Variants in MLLT6 observed in about 807,000 individuals in gnomAD.
MLLT6 encodes protein AF-17.
MLLT6 carries 22 observed loss-of-function variants against 103.0 expected under a neutral mutation model. The ratio of observed to expected loss-of-function variants is 0.21; its 90% CI spans 0.15 to 0.31. The LOEUF (loss-of-function observed/expected upper bound fraction) is 0.31, where lower values mean the gene tolerates loss of function less well. Among genes scored for constraint, MLLT6 ranks in the 10% least tolerant of loss-of-function variants. The pLI, the probability that MLLT6 is intolerant of heterozygous loss-of-function variation, is 1.00. For missense variants in MLLT6, 1,199 were observed against 1,441.7 expected, an observed-to-expected ratio of 0.83 and a Z score of 2.73; for synonymous variants, 606 against 623.5, an observed-to-expected ratio of 0.97 and a Z score of 0.42.
intron 14 of MLLT6, 134 bp from the exon 15 acceptor site, chr17:38,720,238 A>G: frequency 1.1e-6 from 1 of 877,538 alleles, no homozygotes; most frequent in Non-Finnish European, 1.7e-6. Context: ...CTCAGAGCTC[A>G]CCTGTGTCCC....
intron 8 of MLLT6, chr17:38,713,496 A>G (rs1328797863): frequency 5.8e-6 from 1 of 171,088 alleles, no homozygotes; most frequent in Non-Finnish European, 1.2e-5. Context: ...TGTCACCATT[A>G]TTGCCCATTC....
chr17:38,720,830 G>A, intron 16 of MLLT6, 83 bp downstream of exon 16: 1 of 1,251,680 alleles, frequency 8.0e-7, no homozygotes. Context: ...AGCTATTGGA[G>A]GCTGGGCAAT....
chr17:38,713,401 C>T (rs1905212303), intron 8 of MLLT6: 1 of 292,200 alleles, frequency 3.4e-6, no homozygotes. Context: ...CAAGCTGGAA[C>T]AGCCCTCCCT....
At chr17:38,719,196 T>G in intron 12 of MLLT6, 1 of 400,566 alleles carries the variant, frequency 2.5e-6, no homozygotes. Context: ...AGGTTTAAGT[T>G]CAATCCAGGT....
chr17:38,705,710 T>C lies in MLLT6; in HGVS notation c.78T>C (p.Asp26=). 6.4e-7 allele frequency: 1 copy of C among 1,551,832 alleles called. No homozygotes were observed. Among genetic ancestry groups the C allele is most frequent in the Non-Finnish European group, 8.7e-7 (1 of 1,146,558 alleles). ...CCGAGAACCCGCTGGTCTACTGCGA[T>C]GGGCACGCGTGCAGCGTGGCCGTCC... ...GWAENPLVYC[D]GHACSVAVHQ... is the part of the protein sequence containing the mutation. The change falls in exon 1 of 20, where the codon GAT becomes GAC. Residue 26 remains aspartate, a synonymous_variant. Coordinates refer to ENST00000621332, the MANE Select transcript of MLLT6 (RefSeq NM_005937.4).
At chr17:38,719,444 A>G in intron 12 of MLLT6, 73 bp from the exon 13 acceptor site, 1 of 1,293,482 alleles carries the variant, frequency 7.7e-7, no homozygotes, top group Admixed American at 2.0e-5. Context: ...CCAATCCCAT[A>G]TCCATCTGGG....
chr17:38,719,255 T>C (rs1905536041), intron 12 of MLLT6: 2 of 519,798 alleles, frequency 3.8e-6, no homozygotes, highest in South Asian at 2.6e-5. Context: ...AGGAAAGGAA[T>C]TGGGCGGTGG....
At chr17:38,715,473 T>A in intron 8 of MLLT6, 139 bp from the exon 9 acceptor site, 3 of 1,398,460 alleles carry the variant, frequency 2.1e-6, no homozygotes, top group South Asian at 3.3e-5. Context: ...GGCCACTCCC[T>A]GCCCGGAAGT....
At position 38,724,991 on chromosome 17, in the gene MLLT6, C is replaced by T. The variant is rs535280154; in HGVS notation, c.3240+15C>T. 273 of 1,476,262 alleles carry T rather than the reference C, an allele frequency of 1.8e-4. No homozygotes were observed. The highest frequency in any genetic ancestry group is 8.8e-5 in the Admixed American group (4 of 45,560). The allele number at this position is 1,476,262 out of a possible 1,614,324, so 91.4% of individuals were successfully genotyped here. On this transcript the variant is annotated intron_variant, in intron 19 of 19. Coordinates refer to ENST00000621332, the MANE Select transcript of MLLT6 (RefSeq NM_005937.4). This position sits in a 1 kb window ranked among gnomAD's most constrained non-coding sequence, Gnocchi z 5.4. ...CCAAAGGAGGGGTGAGTAAGGGGCC[C>T]GGGGCCTTCCTGCCTCCCCTCTGAG...
intron 6 of MLLT6, among the ~76,000 whole-genome samples, chr17:38,710,440 A>G (rs1196378618): frequency 6.6e-6 from 1 of 152,056 alleles, no homozygotes; most frequent in African/African-American, 2.4e-5. Context: ...ACATGATCAG[A>G]TTTGTTTTTT....
chr17:38,720,897 A>G, intron 16 of MLLT6, 150 bp downstream of exon 16: 1 of 706,556 alleles, frequency 1.4e-6, no homozygotes, highest in Non-Finnish European at 2.4e-6. Context: ...ATCAAGTAAT[A>G]TTTATGAGGT....
At chr17:38,718,097 G>A (rs980544309) in intron 12 of MLLT6, 144 bp downstream of exon 12, 8 of 612,546 alleles carry the variant, frequency 1.3e-5, no homozygotes, top group East Asian at 8.6e-5. Flanking sequence ...CAAACAGGCC[G>A]GGTGTGGTGG....
rs1358908062 is a variant in MLLT6 at position 38,725,680 on chromosome 17, G to A, written c.*82G>A. 3.2e-6 allele frequency: 4 copies of A among 1,232,562 alleles called. No individual in the cohort carries two copies. Among genetic ancestry groups the A allele is most frequent in the Non-Finnish European group, 4.5e-6 (4 of 885,936 alleles). 76.4% of individuals were successfully genotyped at this position (1,232,562 alleles called of 1,614,324 possible). On this transcript the variant is annotated 3_prime_UTR_variant, in exon 20 of 20. Coordinates refer to ENST00000621332, the MANE Select transcript of MLLT6 (RefSeq NM_005937.4). ...GGGTCCTAGCCTGGAGCAGGCGCCT[G>A]CGCCCAGACCCTGGAGAGCCTTGAC...
At chr17:38,707,299 A>C (rs1392352319) in intron 2 of MLLT6, among the ~76,000 whole-genome samples, 187 bp from the exon 3 acceptor site, 1 of 152,266 alleles carries the variant, frequency 6.6e-6, no homozygotes, top group East Asian at 1.9e-4. Context: ...TAAAGGGAAA[A>C]CTATAATGAA....
rs1333490676 is a variant in MLLT6, at chr17:38,705,459, G to A, written c.-174G>A. 14 of 451,068 alleles carry A rather than the reference G, an allele frequency of 3.1e-5. No homozygotes were observed. The highest frequency in any genetic ancestry group is 1.1e-4 in the South Asian group (4 of 36,038). The allele number at this position is 451,068 out of a possible 1,614,324, so 27.9% of individuals were successfully genotyped here. Reference sequence around the variant, plus strand: ...CAGACAGAGCGAGCGAGGAGGAGGAGGAGGAGGACGCGGAGGAGGAGGAAG... The same window carrying A: ...CAGACAGAGCGAGCGAGGAGGAGGAAGAGGAGGACGCGGAGGAGGAGGAAG... On this transcript the variant is annotated 5_prime_UTR_variant, in exon 1 of 20. Transcript: ENST00000621332.
intron 13 of MLLT6, 74 bp downstream of exon 13, chr17:38,719,657 G>A (rs1288511331): frequency 5.1e-6 from 8 of 1,565,632 alleles, no homozygotes; most frequent in African/African-American, 4.0e-5. Flanking sequence ...CGGAGAGACC[G>A]GCGTGGGCTG....
At chr17:38,708,019 C>T (rs1905004291) in intron 4 of MLLT6, 147 bp downstream of exon 4, 4 of 624,852 alleles carry the variant, frequency 6.4e-6, no homozygotes, top group Non-Finnish European at 5.8e-6. Flanking sequence ...AGTGAACCAC[C>T]CTTCTGTTGA....
In MLLT6 at chr17:38,722,234, G is replaced by T; in HGVS notation, c.2792+7G>T. 7.3e-7 allele frequency: 1 copy of T among 1,372,920 alleles called. No homozygotes were observed. The highest frequency in any genetic ancestry group is 1.7e-5 in the South Asian group (1 of 58,182). 85.0% of individuals were successfully genotyped at this position (1,372,920 alleles called of 1,614,324 possible). A position where few individuals can be genotyped will look rare whatever the true frequency, so the allele number is the denominator to read the frequency against. Reference sequence around the variant, plus strand: ...TGCCAGGCTGTCTCAACAGGTGAGGGAGAGCTCAGCCCTGGGAAGGGGAAC... The same window carrying T: ...TGCCAGGCTGTCTCAACAGGTGAGGTAGAGCTCAGCCCTGGGAAGGGGAAC... On this transcript the variant is annotated splice_region_variant and intron_variant, in intron 17 of 19. Transcript: ENST00000621332.
intron 16 of MLLT6, 67 bp downstream of exon 16, chr17:38,720,814 C>A: frequency 7.2e-7 from 1 of 1,396,394 alleles, no homozygotes; most frequent in Non-Finnish European, 1.0e-6. Flanking sequence ...CCCATCTCTT[C>A]CCCGCAGCTA....
Sources: allele counts gnomAD v4.1 joint callset (sites outside exome capture counted in the v4.1 genomes callset), GRCh38; gene constraint gnomAD v4.1.1; non-coding constraint Gnocchi (gnomAD v3.1); transcripts MANE v1.5; gene names NCBI Gene and HGNC (gene_info 2026-07-23, HGNC 2026-07-21).